Variants in CNR2 observed in about 807,000 individuals in gnomAD.
CNR2 encodes the protein cannabinoid receptor 2.
For synonymous variants in CNR2, 172 were observed against 182.2 expected (o/e 0.94, Z 0.45); for missense variants, 379 against 439.9 (o/e 0.86, Z 1.24).
intron 1 of CNR2, among the ~76,000 whole-genome samples, chr1:23,896,332 T>A (rs547350325): frequency 3.3e-4 from 50 of 152,344 alleles, no homozygotes; most frequent in African/African-American, 1.2e-3. Flanking sequence ...GTAAAGACAC[T>A]CACTTCATTC....
At chr1:23,910,001 G>C (rs1184593695) in intron 1 of CNR2, among the ~76,000 whole-genome samples, 3 of 150,028 alleles carry the variant, frequency 2.0e-5, no homozygotes, top group Admixed American at 6.7e-5. Flanking sequence ...ATCTTGCTCA[G>C]TTACCCAGGC....
At chr1:23,902,573 C>T in intron 1 of CNR2, 1 of 1,607,424 alleles carries the variant, frequency 6.2e-7, no homozygotes. Context: ...ATTTGACTTC[C>T]GCCAGGTCCC....
At chr1:23,911,872 C>T (rs567908263) in intron 1 of CNR2, among the ~76,000 whole-genome samples, 3 of 152,282 alleles carry the variant, frequency 2.0e-5, no homozygotes, top group East Asian at 1.9e-4. Flanking sequence ...TATTGGGACT[C>T]CACCTCCTGA....
rs142971648 is a variant in CNR2, at chr1:23,880,185, C to CTTTTT, written c.-45-4528_-45-4524dup. On this transcript the variant is annotated intron_variant, in intron 1 of 1. Transcript: ENST00000374472. Reference sequence around the variant, plus strand: ...CCCTAACTCATCCCAACTTCCAACTCTTTTTTTTTTGAGACGGAGTCTCAC... The same window carrying CTTTTT: ...CCCTAACTCATCCCAACTTCCAACTCTTTTTTTTTTTTTTTGAGACGGAGTCTCAC... Among the ~76,000 whole-genome samples the CTTTTT allele has an allele frequency of 5.4e-5, 7 of 128,744 alleles. 3 individuals are homozygous for CTTTTT. Among genetic ancestry groups the CTTTTT allele is most frequent in the Non-Finnish European group, 9.5e-5 (6 of 63,106 alleles). 84.5% of individuals were successfully genotyped at this position (128,744 alleles called of 152,430 possible).
At chr1:23,899,280 G>A (rs1381658160) in intron 1 of CNR2, among the ~76,000 whole-genome samples, 1 of 152,112 alleles carries the variant, frequency 6.6e-6, no homozygotes, top group African/African-American at 2.4e-5. Context: ...CAGAAGTTGG[G>A]CAGCCTAGAT....
chr1:23,890,275 G>GA (rs1300126289), intron 1 of CNR2, among the ~76,000 whole-genome samples: 2 of 112,844 alleles, frequency 1.8e-5, no homozygotes, highest in African/African-American at 3.4e-5. Flanking sequence ...AAAAAAAAAA[G>GA]AAAAGAAAAG....
chr1:23,897,032 C>T lies in CNR2; in HGVS notation c.-46+16214G>A, dbSNP rs139864257. 1.1e-4 allele frequency among the ~76,000 whole-genome samples: 17 copies of T among 152,034 alleles called. 1 individual carries two copies. In the East Asian group the frequency reaches 2.3e-3, roughly 21 times the overall value. On this transcript the variant is annotated intron_variant, in intron 1 of 1. Coordinates refer to ENST00000374472, the MANE Select transcript of CNR2 (RefSeq NM_001841.3). ...TCCCAAATAGCTGGGATGACAGGTG[C>T]CTGCCACCATTTTTCTATTTTTAGT...
chr1:23,882,806 C>T (rs1170226696), intron 1 of CNR2, among the ~76,000 whole-genome samples: 6 of 152,082 alleles, frequency 3.9e-5, no homozygotes, highest in South Asian at 4.1e-4. Flanking sequence ...GACAACAGAG[C>T]GAGACTCTGT....
chr1:23,892,501 T>C (rs1443110450), intron 1 of CNR2, among the ~76,000 whole-genome samples: 1 of 152,218 alleles, frequency 6.6e-6, no homozygotes, highest in Non-Finnish European at 1.5e-5. Context: ...AATCAATGAA[T>C]GTCTATTAGG....
rs201974899 is a variant in CNR2 at position 23,874,659 on chromosome 1, C to G, written c.959G>C (p.Cys320Ser). 2.5e-6 allele frequency: 4 copies of G among 1,614,192 alleles called. No homozygotes were observed. The highest frequency in any genetic ancestry group is 3.4e-6 in the Non-Finnish European group (4 of 1,180,034). ...TGCCTCTGACCCAAGGCCCCTCACA[C>G]ACTTCTTCCAGTGAGCCAGGCAGTG... ...AHHCLAHWKK[C>S]VRGLGSEAKE... Residue 320 changes from cysteine (C) to serine (S), a missense_variant, in exon 2 of 2, where the codon TGT (cysteine) becomes TCT (serine). Coordinates refer to ENST00000374472, the MANE Select transcript of CNR2 (RefSeq NM_001841.3).
intron 1 of CNR2, chr1:23,902,429 TG>T: frequency 6.3e-7 from 1 of 1,589,990 alleles, no homozygotes; most frequent in Non-Finnish European, 8.6e-7. Flanking sequence ...TTGCCAATGC[TG>T]GGACGATGTA....
chr1:23,895,883 GC>G (rs1640272754), intron 1 of CNR2, among the ~76,000 whole-genome samples: 1 of 152,090 alleles, frequency 6.6e-6, no homozygotes, highest in African/African-American at 2.4e-5. Context: ...AGGGTGAGGG[GC>G]CCTGATACCA....
At chr1:23,908,080 A>G (rs755305889) in intron 1 of CNR2, among the ~76,000 whole-genome samples, 46 of 136,770 alleles carry the variant, frequency 3.4e-4, no homozygotes, top group Non-Finnish European at 3.9e-4. Flanking sequence ...TCTCTGGTTC[A>G]AGCAATTCTC....
At chr1:23,880,520 T>G (rs933628311) in intron 1 of CNR2, among the ~76,000 whole-genome samples, 1 of 152,036 alleles carries the variant, frequency 6.6e-6, no homozygotes, top group African/African-American at 2.4e-5. Flanking sequence ...TCGTCTTTAT[T>G]TTTTCCATAC....
intron 1 of CNR2, among the ~76,000 whole-genome samples, chr1:23,883,608 T>C (rs556632634): frequency 2.0e-5 from 3 of 152,326 alleles, no homozygotes; most frequent in African/African-American, 4.8e-5. Flanking sequence ...GCGAATTGCC[T>C]GAGCTCAGGA....
chr1:23,892,090 T>C (rs922814991), intron 1 of CNR2, among the ~76,000 whole-genome samples: 1 of 152,196 alleles, frequency 6.6e-6, no homozygotes, highest in Middle Eastern at 3.2e-3. Context: ...CTCACCCTAG[T>C]GTTCCTGGCC....
intron 1 of CNR2, among the ~76,000 whole-genome samples, chr1:23,890,878 CTTCTT>C (rs1557528802): frequency 1.7e-4 from 6 of 36,354 alleles, no homozygotes; most frequent in Non-Finnish European, 1.3e-4. Context: ...TGGTCTTCTT[CTTCTT>C]TTTTTTTTTT....
At chr1:23,911,770 C>G (rs965626756) in intron 1 of CNR2, among the ~76,000 whole-genome samples, 2 of 152,106 alleles carry the variant, frequency 1.3e-5, no homozygotes, top group African/African-American at 2.4e-5. Context: ...CCTTAGCCGG[C>G]CAAAGGGTAA....
intron 1 of CNR2, among the ~76,000 whole-genome samples, chr1:23,900,415 C>A (rs975459627): frequency 6.6e-6 from 1 of 151,728 alleles, no homozygotes; most frequent in Non-Finnish European, 1.5e-5. Flanking sequence ...TCTGTCTAGG[C>A]GGCAGGCAAG....
Sources: gnomAD v4.1 joint callset for allele counts (sites outside exome capture counted in the v4.1 genomes callset) on GRCh38, gnomAD v4.1.1 for gene constraint, MANE v1.5 for transcripts, NCBI Gene and HGNC (gene_info 2026-07-23, HGNC 2026-07-21) for gene names.